Variants in P3H2 observed in about 807,000 individuals in gnomAD.
P3H2 encodes the protein leprecan-like 1.
A neutral mutation model predicts 87.0 loss-of-function variants in P3H2; 80 were observed. That is an observed-to-expected ratio of 0.92 (90% confidence interval 0.77 to 1.11). The LOEUF is 1.11. Ranked by LOEUF, P3H2 falls within the 50% of genes least tolerant of loss-of-function variation. P3H2 has a pLI of 0.00. For missense variants in P3H2, 1,001 were observed against 923.9 expected (o/e 1.08, Z -1.08); for synonymous variants, 367 against 359.3 (o/e 1.02, Z -0.24).
chr3:190,077,855 C>T (rs1020583527), intron 1 of P3H2, among the ~76,000 whole-genome samples: 1 of 152,114 alleles, frequency 6.6e-6, no homozygotes, highest in African/African-American at 2.4e-5. Flanking sequence ...GGAATTTATT[C>T]TCTTTAATCA....
chr3:190,106,383 T>C (rs1033657786), intron 1 of P3H2, among the ~76,000 whole-genome samples: 3 of 152,280 alleles, frequency 2.0e-5, no homozygotes, highest in African/African-American at 7.2e-5. Context: ...TCAGATTGAA[T>C]GGGTCAAGCA....
intron 1 of P3H2, among the ~76,000 whole-genome samples, chr3:190,012,592 C>G (rs1577272446): frequency 6.6e-6 from 1 of 152,188 alleles, no homozygotes; most frequent in South Asian, 2.1e-4. Context: ...TGTTCCTCTT[C>G]TTGGGCAATT....
intron 1 of P3H2, among the ~76,000 whole-genome samples, chr3:190,006,712 G>T (rs1323082708): frequency 1.3e-5 from 2 of 152,212 alleles, no homozygotes; most frequent in Non-Finnish European, 2.9e-5. Context: ...AGGACTCACT[G>T]AGAAAGTAGG....
chr3:189,963,753 G>T (rs866104824), intron 14 of P3H2: 18 of 611,464 alleles, frequency 2.9e-5, no homozygotes, highest in African/African-American at 2.8e-4. Context: ...CTTACAATTT[G>T]TTAATAAGCT....
At chr3:190,032,677 T>C (rs936751162) in intron 1 of P3H2, among the ~76,000 whole-genome samples, 6 of 152,122 alleles carry the variant, frequency 3.9e-5, no homozygotes, top group Non-Finnish European at 7.4e-5. Context: ...CCTAGAAACT[T>C]TGTCTACAAT....
At chr3:190,107,928 T>A (rs1463749039) in intron 1 of P3H2, among the ~76,000 whole-genome samples, 1 of 152,162 alleles carries the variant, frequency 6.6e-6, no homozygotes, top group African/African-American at 2.4e-5. Flanking sequence ...TTTTGTTTTT[T>A]ATTCCTTTTT....
chr3:190,083,991 T>C lies in P3H2; in HGVS notation c.480+36261A>G, dbSNP rs554096722. ...TACCTAATGTACTCCATTCTCATTA[T>C]GTTTTTTAAAAAAGTCATCAAATCA... On this transcript the variant is annotated intron_variant, in intron 1 of 14. Transcript: ENST00000319332. Among the ~76,000 whole-genome samples the C allele has an allele frequency of 2.0e-4, 31 of 152,356 alleles. No individual in the cohort carries two copies. The East Asian group carries it at 5.8e-3, about 28-fold the overall frequency.
chr3:190,072,681 T>C (rs899238036), intron 1 of P3H2, among the ~76,000 whole-genome samples: 1 of 145,812 alleles, frequency 6.9e-6, no homozygotes, highest in African/African-American at 2.6e-5. Context: ...ACAGTTATAC[T>C]ACAGCTATTC....
chr3:189,987,616 G>T lies in P3H2; in HGVS notation c.1009C>A (p.Pro337Thr). Residue 337 changes from proline (P) to threonine (T), a missense_variant, in exon 5 of 15, where the codon CCA (proline) becomes ACA (threonine). Pro to Thr is a conservative substitution (Grantham distance 38, BLOSUM62 -1). Transcript: ENST00000319332. ...ECAKAYLLCH[P>T]DDEDVLDNVD... ...TTGTCTAGGACATCCTCATCATCTG[G>T]ATGGCATAGAAGATAGGCTTTGGCA... 1 of 1,614,084 alleles carries T rather than the reference G, an allele frequency of 6.2e-7. No individual in the cohort carries two copies. Among genetic ancestry groups the T allele is most frequent in the Non-Finnish European group, 8.5e-7 (1 of 1,180,004 alleles).
intron 1 of P3H2, among the ~76,000 whole-genome samples, chr3:190,056,283 G>C (rs1411483337): frequency 1.3e-5 from 2 of 152,120 alleles, no homozygotes; most frequent in Non-Finnish European, 2.9e-5. Context: ...TGTGGTCTTT[G>C]TCCTGGCAGC....
chr3:190,060,892 C>T (rs1726311231), intron 1 of P3H2, among the ~76,000 whole-genome samples: 1 of 152,110 alleles, frequency 6.6e-6, no homozygotes, highest in African/African-American at 2.4e-5. Flanking sequence ...CTTTATGGAA[C>T]ACTAAGCACC....
intron 1 of P3H2, among the ~76,000 whole-genome samples, chr3:190,111,531 T>A (rs73186425): frequency 0.12 from 18,091 of 152,116 alleles, 1,197 homozygotes; most frequent in Middle Eastern, 0.21. Context: ...GGAGAAAGAA[T>A]GCCTTTTTTA....
intron 1 of P3H2, among the ~76,000 whole-genome samples, chr3:190,063,556 A>G (rs561853945): frequency 5.9e-5 from 9 of 152,278 alleles, no homozygotes; most frequent in African/African-American, 1.2e-4. Flanking sequence ...TTCCCTTTGC[A>G]TGATTAATGT....
At chr3:189,972,423 C>T (rs1181144240) in intron 11 of P3H2, among the ~76,000 whole-genome samples, 1 of 152,192 alleles carries the variant, frequency 6.6e-6, no homozygotes, top group Non-Finnish European at 1.5e-5. Flanking sequence ...CCGCCCCATT[C>T]AGAGGGGCAT....
chr3:190,031,780 T>C (rs1269991593), intron 1 of P3H2, among the ~76,000 whole-genome samples: 1 of 140,586 alleles, frequency 7.1e-6, no homozygotes, highest in African/African-American at 2.6e-5. Flanking sequence ...AAATTTAAAA[T>C]TTAAGCTAAG....
At chr3:190,104,180 C>T (rs1407584457) in intron 1 of P3H2, among the ~76,000 whole-genome samples, 1 of 152,166 alleles carries the variant, frequency 6.6e-6, no homozygotes, top group African/African-American at 2.4e-5. Context: ...TCATCATCAT[C>T]ATCATTCAAA....
rs1167871232 is a variant in P3H2, at chr3:189,970,875, TC to T, written c.1833del (p.Met611IlefsTer20). 6.4e-6 allele frequency: 10 copies of T among 1,571,952 alleles called. No individual in the cohort carries two copies. The highest frequency in any genetic ancestry group is 8.8e-6 in the Non-Finnish European group (10 of 1,141,742). The stretch of plus-strand genomic sequence containing the variant: ...AATTCTCCTCCTTCAAAGTCATCAT[TC>T]ATATATAGGAGAGCACTATAAGAAT... ...TFRDYSALLY[M>X]NDDFEGGEFI... On this transcript the variant is annotated frameshift_variant, in exon 13 of 15. Transcript: ENST00000319332. LOFTEE classifies it high-confidence loss of function.
chr3:189,986,537 C>T (rs1177767447), intron 6 of P3H2, among the ~76,000 whole-genome samples: 1 of 152,010 alleles, frequency 6.6e-6, no homozygotes, highest in African/African-American at 2.4e-5. Context: ...TGCAGTGAGC[C>T]GAGATCACGC....
intron 1 of P3H2, among the ~76,000 whole-genome samples, chr3:190,078,961 A>G (rs1726957167): frequency 6.6e-6 from 1 of 152,160 alleles, no homozygotes; most frequent in Non-Finnish European, 1.5e-5. Flanking sequence ...GGTTGACAGC[A>G]TAGACTCTGG....
Sources: gnomAD v4.1 joint callset for allele counts (sites outside exome capture counted in the v4.1 genomes callset) on GRCh38, gnomAD v4.1.1 for gene constraint, MANE v1.5 for transcripts, NCBI Gene and HGNC (gene_info 2026-07-23, HGNC 2026-07-21) for gene names.